The following DGKD variants were observed in gnomAD, a reference collection of about 807,000 sequenced individuals.
The protein encoded by DGKD is diacylglycerol kinase delta.
A neutral mutation model predicts 154.4 loss-of-function variants in DGKD; 68 were observed. The ratio of observed to expected loss-of-function variants is 0.44; its 90% CI spans 0.36 to 0.54. The LOEUF (loss-of-function observed/expected upper bound fraction) is 0.54, where lower values mean the gene tolerates loss of function less well. DGKD is among the 20% of genes least tolerant of loss of function. The probability of loss-of-function intolerance (pLI) is 0.00; values close to 1 mark genes in which losing one functional copy is unlikely to be tolerated. For synonymous variants in DGKD, 693 were observed against 638.0 expected (o/e 1.09, Z -1.30); for missense variants, 1,343 against 1,593.6 (o/e 0.84, Z 2.68).
At chr2:233,385,704 A>T (rs1703134464) in intron 1 of DGKD, among the ~76,000 whole-genome samples, 1 of 152,148 alleles carries the variant, frequency 6.6e-6, no homozygotes, top group Admixed American at 6.5e-5. Context: ...AATACAGCAC[A>T]TTATTTTGGG....
Position 233,458,152 on chromosome 2 carries a change from C to G in DGKD, c.2581-132C>G. ...TCAGGGCCTGCAACATGAAGCCCGT[C>G]AGGAGTGCAGTTACCTGGTAACTTC... On this transcript the variant is annotated intron_variant, in intron 21 of 29. Coordinates refer to ENST00000264057, the MANE Select transcript of DGKD (RefSeq NM_152879.3). The surrounding 1 kb of genome is among the most constrained non-coding windows in gnomAD (Gnocchi z 6.6). 1 of 563,676 alleles carries G rather than the reference C, an allele frequency of 1.8e-6. No homozygotes were observed. The highest frequency in any genetic ancestry group is 2.9e-5 in the East Asian group (1 of 35,056). 34.9% of individuals were successfully genotyped at this position (563,676 alleles called of 1,614,324 possible). A position where few individuals can be genotyped will look rare whatever the true frequency, so the allele number is the denominator to read the frequency against.
At chr2:233,362,784 C>T (rs1701843978) in intron 1 of DGKD, among the ~76,000 whole-genome samples, 1 of 152,230 alleles carries the variant, frequency 6.6e-6, no homozygotes, top group African/African-American at 2.4e-5. Context: ...CCCTTGTGCT[C>T]TGCATAATGA....
At chr2:233,388,444 C>A in intron 2 of DGKD, 77 bp downstream of exon 2, 2 of 1,391,488 alleles carry the variant, frequency 1.4e-6, no homozygotes, top group Non-Finnish European at 2.0e-6. Context: ...GGTGCTGAGT[C>A]CTTGTGTGGG....
At chr2:233,403,102 A>G (rs1251037463) in intron 3 of DGKD, among the ~76,000 whole-genome samples, 2 of 152,126 alleles carry the variant, frequency 1.3e-5, no homozygotes, top group African/African-American at 2.4e-5. Flanking sequence ...GGGAAGAGTC[A>G]GGGAGTCGGG....
intron 3 of DGKD, among the ~76,000 whole-genome samples, chr2:233,403,500 G>T (rs1429744931): frequency 3.3e-5 from 5 of 151,818 alleles, no homozygotes; most frequent in Admixed American, 3.3e-4. Context: ...GGTGGAGGTT[G>T]CAGTGAGCCA....
chr2:233,460,378 C>A, intron 24 of DGKD, 33 bp downstream of exon 24: 1 of 1,610,404 alleles, frequency 6.2e-7, no homozygotes, highest in Non-Finnish European at 8.5e-7. Flanking sequence ...TGCGCATGAG[C>A]CTCCCCCAGG....
chr2:233,469,007 C>T (rs900963037), intron 29 of DGKD, among the ~76,000 whole-genome samples: 2 of 152,216 alleles, frequency 1.3e-5, no homozygotes, highest in African/African-American at 4.8e-5. Flanking sequence ...TTGGCCTCAA[C>T]GGGCCAACCC....
In DGKD at chr2:233,440,643, T is replaced by A. The variant is rs1403112677; in HGVS notation, c.1086-1244T>A. Reference sequence around the variant, plus strand: ...TGTGCAGAGGCGAGGCAAGAGGGAATGCAGTGGGGCCAGGCCAGGCAGCAG... The same window carrying A: ...TGTGCAGAGGCGAGGCAAGAGGGAAAGCAGTGGGGCCAGGCCAGGCAGCAG... On this transcript the variant is annotated intron_variant, in intron 9 of 29. Transcript: ENST00000264057. The surrounding 1 kb of genome is among the most constrained non-coding windows in gnomAD (Gnocchi z 4.9). Among the ~76,000 whole-genome samples the A allele has an allele frequency of 1.3e-5, 2 of 152,042 alleles. No homozygotes were observed. Among genetic ancestry groups the A allele is most frequent in the South Asian group, 2.1e-4 (1 of 4,826 alleles).
Position 233,387,106 on chromosome 2 carries a change from A to T in DGKD, c.157-1151A>T, listed in dbSNP as rs1703230240. Reference sequence around the variant, plus strand: ...AGGCAGCGCAGTGTTCTGCGCTTGCATTCTGGCATAGGTGGGGGACATGAG... The same window carrying T: ...AGGCAGCGCAGTGTTCTGCGCTTGCTTTCTGGCATAGGTGGGGGACATGAG... On this transcript the variant is annotated intron_variant, in intron 1 of 29. Coordinates refer to ENST00000264057, the MANE Select transcript of DGKD (RefSeq NM_152879.3). Among the ~76,000 whole-genome samples, 3 of 152,246 alleles carry T rather than the reference A, an allele frequency of 2.0e-5. No individual in the cohort carries two copies. The South Asian group carries it at 6.2e-4, about 31-fold the overall frequency.
At chr2:233,403,509 C>A (rs13032433) in intron 3 of DGKD, among the ~76,000 whole-genome samples, 1 of 151,698 alleles carries the variant, frequency 6.6e-6, no homozygotes, top group Non-Finnish European at 1.5e-5. Context: ...TGCAGTGAGC[C>A]AAGATCGCAC....
At chr2:233,430,252 T>G (rs2062462636) in intron 3 of DGKD, among the ~76,000 whole-genome samples, 1 of 152,096 alleles carries the variant, frequency 6.6e-6, no homozygotes, top group South Asian at 2.1e-4. Context: ...GATACACTGG[T>G]AAAAACAGGA....
chr2:233,397,486 GC>G, intron 3 of DGKD, among the ~76,000 whole-genome samples: 1 of 132,510 alleles, frequency 7.5e-6, no homozygotes, highest in South Asian at 2.7e-4. Flanking sequence ...AGGGTGGCTG[GC>G]GGGGGGCCAG....
chr2:233,356,685 A>T (rs926045996), intron 1 of DGKD, among the ~76,000 whole-genome samples: 1 of 152,176 alleles, frequency 6.6e-6, no homozygotes, highest in Non-Finnish European at 1.5e-5. Flanking sequence ...ACTGTTAAAA[A>T]TACACCCCGA....
intron 3 of DGKD, among the ~76,000 whole-genome samples, chr2:233,406,479 G>A (rs1299904935): frequency 6.6e-6 from 1 of 152,186 alleles, no homozygotes. Flanking sequence ...CAGAATGTGA[G>A]TCTTCTAGTC....
intron 3 of DGKD, chr2:233,419,137 G>C (rs374760795): frequency 2.7e-5 from 21 of 784,786 alleles, no homozygotes; most frequent in South Asian, 1.7e-4. Flanking sequence ...CAGGGCGCCA[G>C]ATGCTTATTC....
intron 3 of DGKD, among the ~76,000 whole-genome samples, chr2:233,422,008 C>T (rs2062134130): frequency 6.6e-6 from 1 of 152,202 alleles, no homozygotes; most frequent in South Asian, 2.1e-4. Flanking sequence ...AATTACTGGT[C>T]TCTGGGAGGC....
At position 233,457,240 on chromosome 2, in the gene DGKD, C is replaced by A. The variant is rs758391918; in HGVS notation, c.2492C>A (p.Pro831Gln). The change falls in exon 21 of 30, where the codon CCA (proline) becomes CAA (glutamine). Residue 831 changes from proline (P) to glutamine (Q), a missense_variant. Physicochemically the swap from Pro to Gln is moderately conservative, Grantham distance 76. Coordinates refer to ENST00000264057, the MANE Select transcript of DGKD (RefSeq NM_152879.3). The surrounding 1 kb of genome is among the most constrained non-coding windows in gnomAD (Gnocchi z 5.5). The stretch of plus-strand genomic sequence containing the variant: ...GCTCAGTGTGACGGGCGACCCATCC[C>A]ACTCCCCAGTCTTCAGGGAATTGCT... ...VLLECDGRPIPLPSLQGIAVL... is the reference protein window; with the variant it reads ...VLLECDGRPIQLPSLQGIAVL... The A allele has an allele frequency of 1.3e-6, 2 of 1,519,510 alleles. No homozygotes were observed. The highest frequency in any genetic ancestry group is 2.8e-5 in the African/African-American group (2 of 71,746). 94.1% of individuals were successfully genotyped at this position (1,519,510 alleles called of 1,614,324 possible). A position where few individuals can be genotyped will look rare whatever the true frequency, so the allele number is the denominator to read the frequency against.
At chr2:233,468,971 C>T (rs1048321371) in intron 29 of DGKD, among the ~76,000 whole-genome samples, 1 of 152,246 alleles carries the variant, frequency 6.6e-6, no homozygotes, top group Admixed American at 6.5e-5. Flanking sequence ...CACGCCACAT[C>T]TTGCAGGCCC....
intron 1 of DGKD, among the ~76,000 whole-genome samples, chr2:233,379,068 T>G (rs770316952): frequency 3.9e-5 from 6 of 152,168 alleles, no homozygotes; most frequent in African/African-American, 1.4e-4. Flanking sequence ...CTGGCGTGAT[T>G]AAGATAAATA....
Sources: allele counts gnomAD v4.1 joint callset (sites outside exome capture counted in the v4.1 genomes callset), GRCh38; gene constraint gnomAD v4.1.1; non-coding constraint Gnocchi (gnomAD v3.1); transcripts MANE v1.5; gene names NCBI Gene and HGNC (gene_info 2026-07-23, HGNC 2026-07-21).